The following PDE4DIP variants were observed in gnomAD, a reference collection of about 807,000 sequenced individuals.
The protein encoded by PDE4DIP is myomegalin.
A neutral mutation model predicts 221.4 loss-of-function variants in PDE4DIP; 59 were observed. That is an observed-to-expected ratio of 0.27 (90% confidence interval 0.22 to 0.33). The LOEUF is 0.33. PDE4DIP is among the 10% of genes least tolerant of loss of function. The probability of loss-of-function intolerance (pLI) is 1.00; values close to 1 mark genes in which losing one functional copy is unlikely to be tolerated. For missense variants in PDE4DIP, 1,036 were observed against 2,154.2 expected (o/e 0.48, Z 10.28); for synonymous variants, 404 against 815.9 (o/e 0.50, Z 8.60).
At chr1:148,980,612 C>T (rs1441006726) in intron 20 of PDE4DIP, among the ~76,000 whole-genome samples, 1 of 152,040 alleles carries the variant, frequency 6.6e-6, no homozygotes, top group Non-Finnish European at 1.5e-5. Context: ...TTTGCCTTCC[C>T]TACTAGCCCC....
At chr1:148,999,865 T>C (rs1285534722) in intron 23 of PDE4DIP, among the ~76,000 whole-genome samples, 2 of 151,912 alleles carry the variant, frequency 1.3e-5, no homozygotes, top group African/African-American at 4.8e-5. Flanking sequence ...TAGAATCTAA[T>C]GCATTGTTCT....
At chr1:149,000,572 A>C (rs587643109) in intron 23 of PDE4DIP, among the ~76,000 whole-genome samples, 2,726 of 151,984 alleles carry the variant, frequency 0.018, 70 homozygotes, top group African/African-American at 0.062. Flanking sequence ...AAAATAAATA[A>C]ATAAAAATTA....
At chr1:148,925,571 G>C (rs1354213149) in intron 1 of PDE4DIP, among the ~76,000 whole-genome samples, 1 of 150,020 alleles carries the variant, frequency 6.7e-6, no homozygotes, top group Non-Finnish European at 1.5e-5. Flanking sequence ...CAGATAGAAC[G>C]TACTAATTTA....
chr1:148,938,692 A>G (rs1420678755), intron 5 of PDE4DIP, among the ~76,000 whole-genome samples: 7 of 151,660 alleles, frequency 4.6e-5, no homozygotes, highest in African/African-American at 1.7e-4. Context: ...TGGAGTATGA[A>G]CCTTCCAGGT....
intron 9 of PDE4DIP, among the ~76,000 whole-genome samples, chr1:148,963,732 C>G (rs1553514893): frequency 1.4e-5 from 2 of 147,486 alleles, no homozygotes; most frequent in African/African-American, 4.9e-5. Flanking sequence ...TTTCTTTCCT[C>G]TCTCTTTCTT....
exon 44 of PDE4DIP, chr1:149,032,452 G>A (rs1386476245): frequency 3.0e-5 from 12 of 397,216 alleles, no homozygotes; most frequent in East Asian, 4.3e-5. Flanking sequence ...ACTGAGCAGC[G>A]GTGCCCTGCC....
At chr1:148,987,803 T>C (rs587632839) in intron 21 of PDE4DIP, among the ~76,000 whole-genome samples, 1 of 152,230 alleles carries the variant, frequency 6.6e-6, no homozygotes, top group African/African-American at 2.4e-5. Context: ...TGTGGTGGCA[T>C]GCACCTGTAG....
At chr1:148,971,738 G>A (rs1347195028) in intron 14 of PDE4DIP, among the ~76,000 whole-genome samples, 2 of 152,108 alleles carry the variant, frequency 1.3e-5, no homozygotes, top group Non-Finnish European at 2.9e-5. Flanking sequence ...ACGCAGGAAA[G>A]ACCAACCTGA....
chr1:148,961,468 G>A (rs1179267522), intron 6 of PDE4DIP, among the ~76,000 whole-genome samples: 2 of 151,928 alleles, frequency 1.3e-5, no homozygotes, highest in East Asian at 3.9e-4. Flanking sequence ...CTTGTGGCCT[G>A]GGTGCCCTTA....
intron 21 of PDE4DIP, among the ~76,000 whole-genome samples, chr1:148,987,074 A>G (rs2062039683): frequency 6.6e-6 from 1 of 152,216 alleles, no homozygotes; most frequent in South Asian, 2.1e-4. Flanking sequence ...CCCCAAAAGT[A>G]TTTTAGATTA....
At chr1:148,987,740 T>A (rs1181653467) in intron 21 of PDE4DIP, among the ~76,000 whole-genome samples, 1 of 151,968 alleles carries the variant, frequency 6.6e-6, no homozygotes, top group Non-Finnish European at 1.5e-5. Context: ...GGGGAAATGG[T>A]CTTGACTCCA....
chr1:148,824,151 G>GTTCT (rs1670050279), intron 1 of PDE4DIP, among the ~76,000 whole-genome samples: 1 of 145,668 alleles, frequency 6.9e-6, no homozygotes, highest in Non-Finnish European at 1.5e-5. Flanking sequence ...CAGAAATCTG[G>GTTCT]GAGCAGCTTA....
At chr1:149,023,693 T>A (rs374423087) in intron 37 of PDE4DIP, among the ~76,000 whole-genome samples, 1 of 73,724 alleles carries the variant, frequency 1.4e-5, no homozygotes, top group East Asian at 1.1e-3. Flanking sequence ...TGTATATGTG[T>A]GCACATATAT....
At chr1:149,010,104 ACCT>A (rs1211084254) in intron 30 of PDE4DIP, among the ~76,000 whole-genome samples, 16 of 151,058 alleles carry the variant, frequency 1.1e-4, no homozygotes, top group Non-Finnish European at 1.9e-4. Flanking sequence ...AAGATGGAAA[ACCT>A]CCTTCATCTC....
At chr1:149,009,745 C>T (rs377197248) in exon 30 of PDE4DIP, 24 of 1,612,942 alleles carry the variant, frequency 1.5e-5, no homozygotes, top group South Asian at 1.1e-4. Context: ...ACATAGTCAG[C>T]GAGTACACAC....
At chr1:148,862,469 A>T (rs1490754278) in intron 1 of PDE4DIP, among the ~76,000 whole-genome samples, 1 of 123,598 alleles carries the variant, frequency 8.1e-6, no homozygotes, top group Non-Finnish European at 1.8e-5. Context: ...TTCCACTCAT[A>T]AACTTTGTCT....
chr1:148,862,078 T>G, intron 1 of PDE4DIP, among the ~76,000 whole-genome samples: 1 of 121,394 alleles, frequency 8.2e-6, no homozygotes, highest in East Asian at 2.4e-4. Context: ...GAGACCCCCA[T>G]GCCTGTCCTT....
At chr1:148,832,647 T>C (rs2149998299) in intron 1 of PDE4DIP, among the ~76,000 whole-genome samples, 1 of 151,882 alleles carries the variant, frequency 6.6e-6, no homozygotes, top group East Asian at 1.9e-4. Flanking sequence ...GCATGAAGCG[T>C]TGTTGAATTT....
intron 33 of PDE4DIP, among the ~76,000 whole-genome samples, chr1:149,016,777 C>T (rs1311651278): frequency 6.6e-6 from 1 of 152,252 alleles, no homozygotes; most frequent in African/African-American, 2.4e-5. Context: ...AGGGACCCAC[C>T]TCTTGTGCTG....
Sources: allele counts gnomAD v4.1 joint callset (sites outside exome capture counted in the v4.1 genomes callset), GRCh38; gene constraint gnomAD v4.1.1; transcripts MANE v1.5; gene names NCBI Gene and HGNC (gene_info 2026-07-23, HGNC 2026-07-21).